Variants in ZHX2 observed in about 807,000 individuals in gnomAD.
ZHX2 encodes zinc fingers and homeoboxes protein 2.
A neutral mutation model predicts 21.9 loss-of-function variants in ZHX2; 6 were observed. The observed-to-expected ratio is 0.27, with a 90% confidence interval of 0.15 to 0.54. ZHX2 has a LOEUF of 0.54. Ranked by LOEUF, ZHX2 falls within the 20% of genes least tolerant of loss-of-function variation. The pLI is 0.95. For missense variants in ZHX2, 908 were observed against 1,090.7 expected (o/e 0.83, Z 2.36); for synonymous variants, 434 against 437.1 (o/e 0.99, Z 0.09).
At chr8:122,880,275 T>C (rs1265402770) in intron 2 of ZHX2, among the ~76,000 whole-genome samples, 2 of 151,398 alleles carry the variant, frequency 1.3e-5, no homozygotes, top group Non-Finnish European at 2.9e-5. Flanking sequence ...CACCCAGCTG[T>C]TATCTCATTT....
At chr8:122,849,204 T>C (rs986010747) in intron 1 of ZHX2, among the ~76,000 whole-genome samples, 2 of 152,192 alleles carry the variant, frequency 1.3e-5, no homozygotes, top group African/African-American at 4.8e-5. Flanking sequence ...CCAGCTCTGT[T>C]CCTTGTGGCT....
intron 1 of ZHX2, among the ~76,000 whole-genome samples, chr8:122,831,528 G>A (rs1011429105): frequency 2.0e-5 from 3 of 152,150 alleles, no homozygotes; most frequent in Non-Finnish European, 2.9e-5. Flanking sequence ...TTTTGGGCTC[G>A]GAAGTCCTCC....
At chr8:122,800,858 T>C (rs893036081) in intron 1 of ZHX2, among the ~76,000 whole-genome samples, 3 of 151,992 alleles carry the variant, frequency 2.0e-5, no homozygotes, top group Non-Finnish European at 2.9e-5. Context: ...CCTGAAAGAG[T>C]TGTCAAAACA....
chr8:122,786,788 C>A (rs1007724091), intron 1 of ZHX2, among the ~76,000 whole-genome samples: 2 of 151,722 alleles, frequency 1.3e-5, no homozygotes, highest in African/African-American at 4.8e-5. Context: ...ACCACACGTA[C>A]GGTACCAGCA....
Position 122,782,783 on chromosome 8 carries a change from C to T in ZHX2, c.-283+837C>T, listed in dbSNP as rs1182031138. 6.6e-6 allele frequency among the ~76,000 whole-genome samples: 1 copy of T among 152,166 alleles called. No individual in the cohort carries two copies. The highest frequency in any genetic ancestry group is 2.4e-5 in the African/African-American group (1 of 41,454). On this transcript the variant is annotated intron_variant, in intron 1 of 3. Coordinates refer to ENST00000314393, the MANE Select transcript of ZHX2 (RefSeq NM_014943.5). This position sits in a 1 kb window ranked among gnomAD's most constrained non-coding sequence, Gnocchi z 5.3. ...CCCCGGCCCTGCTGTCCGCTGCCAG[C>T]TGGCCGGAGCCTCTGCCAGCCCGAG...
Position 122,908,660 on chromosome 8 carries a change from T to C in ZHX2, c.-219-42632T>C, listed in dbSNP as rs191586777. Among the ~76,000 whole-genome samples, 427 of 150,304 alleles carry C rather than the reference T, an allele frequency of 2.8e-3. 1 individual carries two copies. The highest frequency in any genetic ancestry group is 3.8e-3 in the Non-Finnish European group (261 of 68,014). ...GTTTGACCTGAAACTGTAACAAATA[T>C]CTTTCTCATGCCCACTCAGCATCCA... On this transcript the variant is annotated intron_variant, in intron 2 of 3. Coordinates refer to ENST00000314393, the MANE Select transcript of ZHX2 (RefSeq NM_014943.5).
At chr8:122,884,839 C>G (rs561924574) in intron 2 of ZHX2, among the ~76,000 whole-genome samples, 1 of 152,308 alleles carries the variant, frequency 6.6e-6, no homozygotes, top group African/African-American at 2.4e-5. Context: ...AAGAACACCC[C>G]TTCAGAAGAT....
intron 3 of ZHX2, among the ~76,000 whole-genome samples, chr8:122,965,908 CTT>C (rs1473505780): frequency 6.6e-6 from 1 of 152,140 alleles, no homozygotes; most frequent in Non-Finnish European, 1.5e-5. Flanking sequence ...TAATGTCCCT[CTT>C]TGTCTTTTTT....
intron 2 of ZHX2, among the ~76,000 whole-genome samples, chr8:122,910,595 CT>C (rs1291936285): frequency 6.6e-6 from 1 of 152,206 alleles, no homozygotes; most frequent in East Asian, 1.9e-4. Context: ...AGTCTCTCAG[CT>C]TGTTGTGGCA....
chr8:122,826,608 C>T (rs1007423249), intron 1 of ZHX2, among the ~76,000 whole-genome samples: 1 of 152,166 alleles, frequency 6.6e-6, no homozygotes, highest in Admixed American at 6.5e-5. Context: ...TGACACGGAG[C>T]TAACAGAGGT....
intron 1 of ZHX2, among the ~76,000 whole-genome samples, chr8:122,785,734 C>A (rs116944812): frequency 2.0e-5 from 3 of 152,086 alleles, no homozygotes; most frequent in Admixed American, 2.0e-4. Context: ...GGGCATGTGC[C>A]GCCTGAGAAA....
chr8:122,925,253 GGTTCT>G (rs1265967904), intron 2 of ZHX2, among the ~76,000 whole-genome samples: 1 of 152,206 alleles, frequency 6.6e-6, no homozygotes, highest in Non-Finnish European at 1.5e-5. Context: ...TGCCAAGTGA[GGTTCT>G]TAGTAGTGTC....
intron 2 of ZHX2, among the ~76,000 whole-genome samples, 175 bp from the exon 3 acceptor site, chr8:122,951,117 G>A (rs1041558035): frequency 9.2e-5 from 14 of 152,002 alleles, no homozygotes; most frequent in Admixed American, 7.9e-4. Context: ...CCAAAAAAAG[G>A]AAGAGAAGAA....
intron 2 of ZHX2, among the ~76,000 whole-genome samples, chr8:122,904,327 A>G (rs564916552): frequency 7.9e-5 from 12 of 152,294 alleles, no homozygotes; most frequent in African/African-American, 2.9e-4. Context: ...GCAAAAGCCA[A>G]ATGCAGAGCC....
intron 1 of ZHX2, among the ~76,000 whole-genome samples, chr8:122,826,136 C>A (rs114289887): frequency 0.026 from 4,019 of 152,314 alleles, 197 homozygotes; most frequent in African/African-American, 0.091. Flanking sequence ...GGCCATTATT[C>A]TCGCCTTGCT....
intron 2 of ZHX2, among the ~76,000 whole-genome samples, chr8:122,896,799 A>G (rs1372204068): frequency 6.6e-6 from 1 of 152,168 alleles, no homozygotes; most frequent in African/African-American, 2.4e-5. Context: ...AGCTTTGTAA[A>G]TGTCTGAAGC....
chr8:122,867,912 A>G (rs565289521), intron 2 of ZHX2, among the ~76,000 whole-genome samples: 3 of 152,330 alleles, frequency 2.0e-5, no homozygotes, highest in African/African-American at 7.2e-5. Context: ...TACTTTTCAA[A>G]TGACTCCTGT....
chr8:122,840,074 T>C (rs983415427), intron 1 of ZHX2, among the ~76,000 whole-genome samples: 5 of 152,208 alleles, frequency 3.3e-5, no homozygotes, highest in Admixed American at 6.5e-5. Flanking sequence ...ATTGTCTGAC[T>C]CTAAGTGCCA....
chr8:122,855,996 A>G (rs1819014671), intron 1 of ZHX2, among the ~76,000 whole-genome samples: 1 of 152,246 alleles, frequency 6.6e-6, no homozygotes, highest in South Asian at 2.1e-4. Context: ...CAGGGAACAT[A>G]TCCCAAGTTC....
Sources: gnomAD v4.1 joint callset for allele counts (sites outside exome capture counted in the v4.1 genomes callset) on GRCh38, gnomAD v4.1.1 for gene constraint, Gnocchi (gnomAD v3.1) non-coding constraint, MANE v1.5 for transcripts, NCBI Gene and HGNC (gene_info 2026-07-23, HGNC 2026-07-21) for gene names.